Variants in ZFHX3 observed in about 807,000 individuals in gnomAD.
The protein encoded by ZFHX3 is zinc finger homeobox 3.
In ZFHX3, 42 loss-of-function variants were observed where a neutral mutation model predicts 279.1. The observed-to-expected ratio is 0.15, with a 90% CI of 0.12 to 0.19. The LOEUF is 0.19. ZFHX3 is among the 10% of genes least tolerant of loss of function. The pLI is 1.00. For synonymous variants in ZFHX3, 2,293 were observed against 1,957.8 expected, an observed-to-expected ratio of 1.17 and a Z score of -4.52; for missense variants, 4,981 against 4,754.0, an observed-to-expected ratio of 1.05 and a Z score of -1.40.
chr16:73,281,563 A>G (rs145154227), intron 4 of ZFHX3, among the ~76,000 whole-genome samples: 2 of 152,300 alleles, frequency 1.3e-5, no homozygotes, highest in South Asian at 2.1e-4. Context: ...GCCTATAGCT[A>G]ACAATACTGT....
At chr16:72,918,764 C>G (rs1168343894) in intron 3 of ZFHX3, among the ~76,000 whole-genome samples, 2 of 150,476 alleles carry the variant, frequency 1.3e-5, no homozygotes, top group African/African-American at 2.4e-5. Flanking sequence ...GGTGAAATCT[C>G]GGCTCACTGC....
chr16:73,248,035 A>G (rs1447726369), intron 5 of ZFHX3, among the ~76,000 whole-genome samples: 5 of 150,210 alleles, frequency 3.3e-5, no homozygotes, highest in African/African-American at 1.2e-4. Context: ...GTGTGTGTAT[A>G]TGTACCTGTA....
intron 1 of ZFHX3, among the ~76,000 whole-genome samples, chr16:73,717,942 C>A (rs535579627): frequency 2.6e-5 from 4 of 152,196 alleles, no homozygotes; most frequent in African/African-American, 4.8e-5. Flanking sequence ...GAATGAAAAG[C>A]GGCCTGTTTG....
intron 1 of ZFHX3, among the ~76,000 whole-genome samples, chr16:73,865,882 G>T (rs1219929620): frequency 6.6e-6 from 1 of 151,928 alleles, no homozygotes; most frequent in Non-Finnish European, 1.5e-5. Flanking sequence ...CTACACTGGA[G>T]GCTGAGGCAG....
intron 1 of ZFHX3, among the ~76,000 whole-genome samples, chr16:73,018,862 T>C (rs1461339676): frequency 6.6e-6 from 1 of 152,156 alleles, no homozygotes; most frequent in Non-Finnish European, 1.5e-5. Context: ...CCCTCCCTCC[T>C]AACCAACCCA....
chr16:72,791,807 CTTTCT>C (rs1016511053), intron 9 of ZFHX3, among the ~76,000 whole-genome samples: 1 of 152,154 alleles, frequency 6.6e-6, no homozygotes, highest in African/African-American at 2.4e-5. Flanking sequence ...TGTCTTAATG[CTTTCT>C]TTTCTTATTC....
At chr16:73,810,917 A>C (rs566988753) in intron 1 of ZFHX3, among the ~76,000 whole-genome samples, 1 of 152,006 alleles carries the variant, frequency 6.6e-6, no homozygotes, top group Non-Finnish European at 1.5e-5. Context: ...AATAAATAAA[A>C]ATTTACTATA....
At chr16:72,917,283 G>T (rs1044274602) in intron 3 of ZFHX3, among the ~76,000 whole-genome samples, 1 of 152,072 alleles carries the variant, frequency 6.6e-6, no homozygotes, top group South Asian at 2.1e-4. Context: ...GCAAAAATGA[G>T]AAGTTTTCGC....
At chr16:73,711,337 G>T (rs181853763) in intron 1 of ZFHX3, among the ~76,000 whole-genome samples, 2 of 152,152 alleles carry the variant, frequency 1.3e-5, no homozygotes, top group Non-Finnish European at 2.9e-5. Context: ...ATAAAAAGAA[G>T]TCAGGATTTA....
chr16:73,122,308 C>T (rs938594131), intron 7 of ZFHX3, among the ~76,000 whole-genome samples: 11 of 151,744 alleles, frequency 7.2e-5, no homozygotes, highest in African/African-American at 2.2e-4. Context: ...CGGGTTCAAG[C>T]GATTCTCATG....
chr16:72,793,302 G>T lies in ZFHX3; in HGVS notation c.9380C>A (p.Pro3127Gln), dbSNP rs138835662. Residue 3127 changes from proline to glutamine, a missense_variant, in exon 9 of 10, where the codon CCG (proline) becomes CAG (glutamine). Pro to Gln is a moderately conservative substitution (Grantham distance 76). This residue lies in a region of ZFHX3 where 1,034 missense variants were observed against 786.0 expected (regional missense o/e 1.32). Coordinates refer to ENST00000268489, the MANE Select transcript of ZFHX3 (RefSeq NM_006885.4). This position sits in a 1 kb window ranked among gnomAD's most constrained non-coding sequence, Gnocchi z 4.3. ...TGGCAAGGAGGGGCTGTTGAGGCCC[G>T]GGAGCAACACAGGAGGAATGCCCTG... is the stretch of plus-strand genomic sequence containing the variant. ...ALQGIPPVLL[P>Q]GLNSPSLPGF... 1.2e-5 allele frequency: 19 copies of T among 1,613,972 alleles called. No individual in the cohort carries two copies. The highest frequency in any genetic ancestry group is 1.6e-5 in the Non-Finnish European group (19 of 1,179,980).
intron 1 of ZFHX3, among the ~76,000 whole-genome samples, chr16:73,042,793 A>G (rs1473760157): frequency 6.6e-6 from 1 of 152,000 alleles, no homozygotes; most frequent in African/African-American, 2.4e-5. Context: ...CAGTTCTCCC[A>G]CTTCCAGTCC....
At chr16:73,722,278 C>A (rs1427890463) in intron 1 of ZFHX3, among the ~76,000 whole-genome samples, 1 of 152,130 alleles carries the variant, frequency 6.6e-6, no homozygotes, top group Admixed American at 6.5e-5. Flanking sequence ...ATATGGTACT[C>A]GATTGGTTGA....
intron 5 of ZFHX3, among the ~76,000 whole-genome samples, chr16:73,166,641 G>T (rs1967379343): frequency 6.6e-6 from 1 of 152,154 alleles, no homozygotes; most frequent in Non-Finnish European, 1.5e-5. Context: ...TTTCCTGTGT[G>T]CTCCCTCTGA....
Position 73,886,987 on chromosome 16 carries a change from C to T in ZFHX3, c.-1608+4664G>A, listed in dbSNP as rs575372760. On this transcript the variant is annotated intron_variant, in intron 1 of 17. Transcript: ENST00000641206. ...AGGTGATGAGAAAATGAAGGGTTTCCGCTGCTCTCTGGAAGAGGAATGCAA... is the reference window on the plus strand; with the variant it reads ...AGGTGATGAGAAAATGAAGGGTTTCTGCTGCTCTCTGGAAGAGGAATGCAA... Among the ~76,000 whole-genome samples, 4 of 152,202 alleles carry T rather than the reference C, an allele frequency of 2.6e-5. No individual in the cohort carries two copies. The South Asian group carries it at 6.2e-4, about 24-fold the overall frequency.
intron 5 of ZFHX3, among the ~76,000 whole-genome samples, chr16:73,184,980 T>C (rs1037361729): frequency 2.2e-5 from 3 of 135,416 alleles, no homozygotes; most frequent in African/African-American, 8.4e-5. Context: ...ACATGCACCA[T>C]CTCTTTTTTT....
At chr16:73,035,520 C>T (rs1342151933) in intron 1 of ZFHX3, among the ~76,000 whole-genome samples, 1 of 152,200 alleles carries the variant, frequency 6.6e-6, no homozygotes. Context: ...TAGTATCCAA[C>T]AACTCACTGC....
chr16:73,073,296 A>T (rs972586247), intron 8 of ZFHX3, among the ~76,000 whole-genome samples: 1 of 152,084 alleles, frequency 6.6e-6, no homozygotes, highest in Admixed American at 6.6e-5. Context: ...CCTTCTAGAG[A>T]CCTGTTCCTT....
chr16:73,636,071 T>C (rs1243127268), intron 2 of ZFHX3, among the ~76,000 whole-genome samples: 2 of 152,200 alleles, frequency 1.3e-5, no homozygotes, highest in South Asian at 4.1e-4. Context: ...CACCCTTTAA[T>C]ATACTCTGCA....
Sources: allele counts gnomAD v4.1 joint callset (sites outside exome capture counted in the v4.1 genomes callset), GRCh38; gene constraint gnomAD v4.1.1; regional missense constraint gnomAD v4.1.1; non-coding constraint Gnocchi (gnomAD v3.1); transcripts MANE v1.5; gene names NCBI Gene and HGNC (gene_info 2026-07-23, HGNC 2026-07-21).